The following ERC1 variants were observed in gnomAD, a reference collection of about 807,000 sequenced individuals.
The protein encoded by ERC1 is ELKS/RAB6-interacting/CAST family member 1, also known as RAB6 interacting protein 2.
In ERC1, 56 loss-of-function variants were observed where a neutral mutation model predicts 132.0. The observed-to-expected ratio is 0.42, with a 90% confidence interval of 0.34 to 0.53. The LOEUF is 0.53. Among genes scored for constraint, ERC1 ranks in the 20% least tolerant of loss-of-function variants. ERC1 has a pLI of 0.03. For missense variants in ERC1, 1,202 were observed against 1,349.9 expected, an observed-to-expected ratio of 0.89 and a Z score of 1.72; for synonymous variants, 478 against 476.1, an observed-to-expected ratio of 1.00 and a Z score of -0.05.
In ERC1 at chr12:1,061,751, T is replaced by TTC. The variant is rs553268347; in HGVS notation, c.670-21403_670-21402dup. On this transcript the variant is annotated intron_variant, in intron 2 of 18. Coordinates refer to ENST00000360905, the MANE Select transcript of ERC1 (RefSeq NM_178040.4). ...CATATCTCCATCTCTTGCTTTCTCT[T>TTC]TCTCTCTCTCTGGTTTCTATTTTGC... Among the ~76,000 whole-genome samples, 567 of 150,422 alleles carry TTC rather than the reference T, an allele frequency of 3.8e-3. 3 individuals are homozygous for TTC. Among genetic ancestry groups the TTC allele is most frequent in the Non-Finnish European group, 5.9e-3 (396 of 67,592 alleles).
At chr12:1,453,226 C>A (rs1391536875) in intron 18 of ERC1, among the ~76,000 whole-genome samples, 1 of 152,112 alleles carries the variant, frequency 6.6e-6, no homozygotes, top group Non-Finnish European at 1.5e-5. Context: ...AGACTGTCGG[C>A]TGATTTCCTA....
chr12:1,409,237 A>G (rs1359564656), intron 17 of ERC1, among the ~76,000 whole-genome samples: 1 of 152,202 alleles, frequency 6.6e-6, no homozygotes, highest in African/African-American at 2.4e-5. Flanking sequence ...AACAATGTAA[A>G]TATTTAATGT....
chr12:1,038,603 C>T (rs575492341), intron 2 of ERC1, among the ~76,000 whole-genome samples: 1 of 152,282 alleles, frequency 6.6e-6, no homozygotes, highest in South Asian at 2.1e-4. Flanking sequence ...TGGTGATCTA[C>T]CTGCTTCGGC....
chr12:1,033,025 ACCATGCCT>A (rs918769723), intron 2 of ERC1, among the ~76,000 whole-genome samples: 3 of 150,630 alleles, frequency 2.0e-5, no homozygotes, highest in Non-Finnish European at 4.4e-5. Context: ...GGTGTGTGCC[ACCATGCCT>A]GGCTAATTTT....
In ERC1 at chr12:995,771, A is replaced by G. The variant is rs182568270; in HGVS notation, c.-157+4449A>G. Among the ~76,000 whole-genome samples, 5 of 152,312 alleles carry G rather than the reference A, an allele frequency of 3.3e-5. No homozygotes were observed. The East Asian group carries it at 9.6e-4, about 29-fold the overall frequency. ...TAGGCATTGGGGATATAAACCTGAC[A>G]AAAGTTTTCACCTTCATGGAACTTA... On this transcript the variant is annotated intron_variant, in intron 1 of 18. Coordinates refer to ENST00000360905, the MANE Select transcript of ERC1 (RefSeq NM_178040.4).
intron 8 of ERC1, among the ~76,000 whole-genome samples, chr12:1,146,973 A>G (rs549570628): frequency 8.3e-4 from 126 of 152,254 alleles, no homozygotes; most frequent in Non-Finnish European, 1.5e-3. Flanking sequence ...TTATGGCTGC[A>G]TAGTATTCCA....
At chr12:1,174,331 A>C (rs947346522) in intron 8 of ERC1, among the ~76,000 whole-genome samples, 1 of 152,200 alleles carries the variant, frequency 6.6e-6, no homozygotes, top group Non-Finnish European at 1.5e-5. Context: ...TCCTTTCACT[A>C]TGAAATGTTT....
intron 15 of ERC1, among the ~76,000 whole-genome samples, chr12:1,313,318 C>T (rs964543085): frequency 6.6e-6 from 1 of 152,112 alleles, no homozygotes; most frequent in Admixed American, 6.6e-5. Flanking sequence ...TGCCCACCCT[C>T]TATACACAAC....
At chr12:1,372,744 A>G (rs1045156196) in intron 16 of ERC1, among the ~76,000 whole-genome samples, 1 of 152,230 alleles carries the variant, frequency 6.6e-6, no homozygotes. Flanking sequence ...TGTCTCCTGC[A>G]TTCCCAGTCA....
intron 16 of ERC1, among the ~76,000 whole-genome samples, chr12:1,404,103 A>G (rs2091287586): frequency 6.6e-6 from 1 of 152,208 alleles, no homozygotes; most frequent in Non-Finnish European, 1.5e-5. Context: ...TAATTTATAA[A>G]CAATAGAAAT....
chr12:1,245,351 C>T (rs2076092668), intron 13 of ERC1, among the ~76,000 whole-genome samples: 1 of 152,126 alleles, frequency 6.6e-6, no homozygotes, highest in Non-Finnish European at 1.5e-5. Context: ...TTTTGTACTT[C>T]AATAAATGGA....
chr12:1,452,122 G>A (rs185527155), intron 18 of ERC1, among the ~76,000 whole-genome samples: 1 of 152,306 alleles, frequency 6.6e-6, no homozygotes, highest in Admixed American at 6.5e-5. Flanking sequence ...ATTTTGTTAT[G>A]GCAGCCCTAG....
intron 15 of ERC1, among the ~76,000 whole-genome samples, chr12:1,357,361 G>A (rs2085641691): frequency 6.6e-6 from 1 of 152,218 alleles, no homozygotes; most frequent in African/African-American, 2.4e-5. Flanking sequence ...TGGACAGCTG[G>A]TATGGACATG....
intron 15 of ERC1, among the ~76,000 whole-genome samples, chr12:1,352,688 T>C (rs1477054921): frequency 6.6e-6 from 1 of 152,228 alleles, no homozygotes; most frequent in East Asian, 1.9e-4. Context: ...TCTACTACAC[T>C]TGTCCATGCA....
intron 15 of ERC1, among the ~76,000 whole-genome samples, chr12:1,347,864 T>C (rs777302315): frequency 6.6e-6 from 1 of 152,016 alleles, no homozygotes; most frequent in Non-Finnish European, 1.5e-5. Flanking sequence ...ATGCCTATAG[T>C]CCCAGCTACT....
At chr12:1,016,572 G>T (rs929444082) in intron 1 of ERC1, among the ~76,000 whole-genome samples, 1 of 151,598 alleles carries the variant, frequency 6.6e-6, no homozygotes, top group Non-Finnish European at 1.5e-5. Context: ...GGGGTGAGGC[G>T]AGACTGGGGC....
chr12:1,411,392 A>C lies in ERC1; in HGVS notation c.3024+3145A>C, dbSNP rs80018118. On this transcript the variant is annotated intron_variant, in intron 17 of 18. Coordinates refer to ENST00000360905, the MANE Select transcript of ERC1 (RefSeq NM_178040.4). ...CTGAAATGTCTTTGTCTTGGTGTTA[A>C]ACTTCTTAAAATGATGAGGACATGT... 7.1e-3 allele frequency among the ~76,000 whole-genome samples: 1,076 copies of C among 152,234 alleles called. 3 individuals carry two copies. The highest frequency in any genetic ancestry group is 0.012 in the Non-Finnish European group (785 of 67,998).
chr12:1,073,257 C>T (rs558934095), intron 2 of ERC1, among the ~76,000 whole-genome samples: 13 of 151,568 alleles, frequency 8.6e-5, no homozygotes, highest in Middle Eastern at 3.5e-3. Context: ...GCTGAGATCA[C>T]GCCACTGCAC....
chr12:1,333,479 C>T (rs957642938), intron 15 of ERC1, among the ~76,000 whole-genome samples: 5 of 151,866 alleles, frequency 3.3e-5, no homozygotes, highest in Admixed American at 2.6e-4. Flanking sequence ...ATTACAGGCA[C>T]GTGCCACCAT....
Sources: allele counts gnomAD v4.1 joint callset (sites outside exome capture counted in the v4.1 genomes callset), GRCh38; gene constraint gnomAD v4.1.1; transcripts MANE v1.5; gene names NCBI Gene and HGNC (gene_info 2026-07-23, HGNC 2026-07-21).